Variants in SLC25A21 observed in about 807,000 individuals in gnomAD.
SLC25A21 encodes mitochondrial 2-oxodicarboxylate carrier.
Under a neutral mutation model 43.8 loss-of-function variants are expected in SLC25A21, and 47 were observed. The ratio of observed to expected loss-of-function variants is 1.07; its 90% CI spans 0.85 to 1.37. The LOEUF is 1.37. Among genes scored for constraint, SLC25A21 ranks in the 40% most tolerant of loss-of-function variants. The probability of loss-of-function intolerance (pLI) is 0.00; values close to 1 mark genes in which losing one functional copy is unlikely to be tolerated. For synonymous variants in SLC25A21, 131 were observed against 121.3 expected, an observed-to-expected ratio of 1.08 and a Z score of -0.52; for missense variants, 352 against 350.2, an observed-to-expected ratio of 1.00 and a Z score of -0.04.
intron 1 of SLC25A21, among the ~76,000 whole-genome samples, chr14:37,014,081 C>T (rs1960792689): frequency 6.6e-6 from 1 of 152,016 alleles, no homozygotes; most frequent in Non-Finnish European, 1.5e-5. Context: ...GAGGGTCTTG[C>T]CTTCACATTG....
intron 6 of SLC25A21, among the ~76,000 whole-genome samples, chr14:36,717,567 T>C (rs1353912819): frequency 6.6e-6 from 1 of 152,246 alleles, no homozygotes; most frequent in Non-Finnish European, 1.5e-5. Flanking sequence ...TGCTGTGCCT[T>C]GCCCTTGCAC....
intron 3 of SLC25A21, among the ~76,000 whole-genome samples, chr14:36,743,734 G>A (rs1022545573): frequency 2.0e-5 from 3 of 151,954 alleles, no homozygotes; most frequent in Admixed American, 6.6e-5. Flanking sequence ...AGAAATAAAA[G>A]GATCAAAATT....
At chr14:36,979,239 A>G (rs577887374) in intron 1 of SLC25A21, among the ~76,000 whole-genome samples, 1 of 152,096 alleles carries the variant, frequency 6.6e-6, no homozygotes, top group East Asian at 1.9e-4. Flanking sequence ...TTATATTCCT[A>G]TATTGAAAAA....
chr14:36,967,750 A>C (rs1167883066), intron 1 of SLC25A21, among the ~76,000 whole-genome samples: 1 of 152,206 alleles, frequency 6.6e-6, no homozygotes, highest in African/African-American at 2.4e-5. Flanking sequence ...ACAATGATGA[A>C]GATTGACAGC....
chr14:36,735,535 C>A (rs918172496), intron 3 of SLC25A21, among the ~76,000 whole-genome samples: 12 of 151,640 alleles, frequency 7.9e-5, no homozygotes, highest in Admixed American at 5.9e-4. Context: ...ATTCACCCCC[C>A]AAGCTTCACT....
intron 1 of SLC25A21, among the ~76,000 whole-genome samples, chr14:37,070,040 G>C (rs189330140): frequency 4.6e-5 from 7 of 152,284 alleles, no homozygotes; most frequent in Non-Finnish European, 7.4e-5. Context: ...CTGTGCCCTA[G>C]AATTCACAGG....
At position 36,867,750 on chromosome 14, in the gene SLC25A21, C is replaced by T. The variant is rs571010284; in HGVS notation, c.119+7206G>A. Reference sequence around the variant, plus strand: ...TGTAGACTCCATTTGTCTTTGTATTCCCCCCATTTTTGCTAAACCAGGATT... The same window carrying T: ...TGTAGACTCCATTTGTCTTTGTATTTCCCCCATTTTTGCTAAACCAGGATT... On this transcript the variant is annotated intron_variant, in intron 2 of 9. Coordinates refer to ENST00000331299, the MANE Select transcript of SLC25A21 (RefSeq NM_030631.4). Among the ~76,000 whole-genome samples, 4 of 151,884 alleles carry T rather than the reference C, an allele frequency of 2.6e-5. No individual in the cohort carries two copies. The East Asian group carries it at 7.8e-4, about 29-fold the overall frequency.
At chr14:36,880,427 T>C (rs953814993) in intron 1 of SLC25A21, among the ~76,000 whole-genome samples, 1 of 152,182 alleles carries the variant, frequency 6.6e-6, no homozygotes, top group Admixed American at 6.6e-5. Flanking sequence ...AATCTAACTC[T>C]GAAACAGGAG....
chr14:37,021,626 C>G (rs1960986909), intron 1 of SLC25A21, among the ~76,000 whole-genome samples: 1 of 151,878 alleles, frequency 6.6e-6, no homozygotes, highest in South Asian at 2.1e-4. Flanking sequence ...GCTGAGCTCT[C>G]TAACAGATTT....
chr14:36,856,289 G>A (rs1260372445), intron 2 of SLC25A21, among the ~76,000 whole-genome samples: 3 of 152,146 alleles, frequency 2.0e-5, no homozygotes, highest in Non-Finnish European at 2.9e-5. Flanking sequence ...TGCGGGCTTT[G>A]TTTGCTCTCC....
intron 1 of SLC25A21, among the ~76,000 whole-genome samples, chr14:37,168,278 TC>T (rs1964065394): frequency 6.6e-6 from 1 of 152,138 alleles, no homozygotes; most frequent in Admixed American, 6.5e-5. Flanking sequence ...ATTATTGGCT[TC>T]TGTGATTCTC....
intron 1 of SLC25A21, among the ~76,000 whole-genome samples, chr14:36,936,022 T>A (rs1594704226): frequency 2.7e-5 from 1 of 37,644 alleles, no homozygotes; most frequent in Non-Finnish European, 9.8e-5. Context: ...TTATTCCACA[T>A]TTCCTTTAAT....
At chr14:36,722,253 T>C (rs962986243) in intron 6 of SLC25A21, among the ~76,000 whole-genome samples, 2 of 152,096 alleles carry the variant, frequency 1.3e-5, no homozygotes, top group Non-Finnish European at 2.9e-5. Flanking sequence ...AGTAAAAAGA[T>C]CAGTGGTTGC....
chr14:36,692,094 G>A (rs528082754), intron 7 of SLC25A21, among the ~76,000 whole-genome samples: 1 of 152,336 alleles, frequency 6.6e-6, no homozygotes, highest in African/African-American at 2.4e-5. Flanking sequence ...TACTAGAATT[G>A]AGAATTAACA....
intron 1 of SLC25A21, among the ~76,000 whole-genome samples, chr14:37,064,674 C>T (rs1415988566): frequency 6.6e-6 from 1 of 152,122 alleles, no homozygotes; most frequent in Non-Finnish European, 1.5e-5. Flanking sequence ...ACCACCATCA[C>T]CAACACCCCA....
chr14:37,172,024 G>T, intron 1 of SLC25A21: 1 of 536,612 alleles, frequency 1.9e-6, no homozygotes, highest in South Asian at 2.8e-5. Flanking sequence ...TTACAGGCTA[G>T]GAACGGACAA....
chr14:36,952,010 A>G (rs112250792), intron 1 of SLC25A21, among the ~76,000 whole-genome samples: 9,286 of 152,028 alleles, frequency 0.061, 407 homozygotes, highest in Middle Eastern at 0.15. Flanking sequence ...CAAGGAGGGC[A>G]GATCACTTAG....
In SLC25A21 at chr14:37,111,156, G is replaced by A. The variant is rs527984024; in HGVS notation, c.70+61125C>T. On this transcript the variant is annotated intron_variant, in intron 1 of 9. Coordinates refer to ENST00000331299, the MANE Select transcript of SLC25A21 (RefSeq NM_030631.4). ...AAGGTTTGAAGGTTTCTAAACTTTT[G>A]TTAGAATGAGAATCCTTTTTTTAAC... Among the ~76,000 whole-genome samples, 27 of 152,218 alleles carry A rather than the reference G, an allele frequency of 1.8e-4. 1 individual carries two copies. In the South Asian group the frequency reaches 5.4e-3, roughly 30 times the overall value.
chr14:36,837,643 G>A (rs188136702), intron 2 of SLC25A21, among the ~76,000 whole-genome samples: 122 of 152,246 alleles, frequency 8.0e-4, no homozygotes, highest in Non-Finnish European at 3.1e-4. Context: ...TACAGCTGGA[G>A]TAAGTAGGGC....
Sources: gnomAD v4.1 joint callset for allele counts (sites outside exome capture counted in the v4.1 genomes callset) on GRCh38, gnomAD v4.1.1 for gene constraint, MANE v1.5 for transcripts, NCBI Gene and HGNC (gene_info 2026-07-23, HGNC 2026-07-21) for gene names.